The following OVCH2 variants were observed in gnomAD, a reference collection of about 807,000 sequenced individuals.
OVCH2 encodes ovochymase 2.
A neutral mutation model predicts 73.7 loss-of-function variants in OVCH2; 88 were observed. That is an observed-to-expected ratio of 1.19 (90% CI 1.01 to 1.43). The LOEUF is 1.43. Among genes scored for constraint, OVCH2 ranks in the 40% most tolerant of loss-of-function variants. The pLI, the probability that OVCH2 is intolerant of heterozygous loss-of-function variation, is 0.00. For synonymous variants in OVCH2, 265 were observed against 234.5 expected (o/e 1.13, Z -1.19); for missense variants, 706 against 674.5 (o/e 1.05, Z -0.52).
At chr11:7,688,477 A>C (rs1856166964), downstream of OVCH2, among the ~76,000 whole-genome samples, 1 of 152,094 alleles carries the variant, frequency 6.6e-6, no homozygotes, top group Non-Finnish European at 1.5e-5. Context: ...CACTTTACAA[A>C]AATTTTTCCA....
intron 3 of OVCH2, 62 bp from the exon 4 acceptor site, chr11:7,702,391 G>T: frequency 7.9e-7 from 1 of 1,269,812 alleles, no homozygotes; most frequent in Non-Finnish European, 1.1e-6. Flanking sequence ...AGTTGCAATG[G>T]TTGACACACT....
chr11:7,697,219 A>T (rs1355138517), intron 8 of OVCH2, among the ~76,000 whole-genome samples: 1 of 152,086 alleles, frequency 6.6e-6, no homozygotes, highest in African/African-American at 2.4e-5. Context: ...TGAAGAAATT[A>T]TTTGTGAGAC....
At chr11:7,681,853 CAAAAAAAAAAAA>C in the OVCH2 span, among the ~76,000 whole-genome samples, 1 of 93,008 alleles carries the variant, frequency 1.1e-5, no homozygotes, top group Non-Finnish European at 2.3e-5. Flanking sequence ...GGGAAATGTC[CAAAAAAAAAAAA>C]AAAAAAAGAA....
At chr11:7,691,121 C>G in intron 14 of OVCH2, 148 bp downstream of exon 14, 3 of 1,015,744 alleles carry the variant, frequency 3.0e-6, no homozygotes, top group Non-Finnish European at 4.3e-6. Flanking sequence ...TGAGTATTCT[C>G]TTATTCAGTG....
chr11:7,706,129 C>T (rs915407754), intron 1 of OVCH2, 178 bp downstream of exon 1: 36 of 589,306 alleles, frequency 6.1e-5, no homozygotes, highest in Middle Eastern at 6.8e-4. Context: ...ATGTTTCACC[C>T]TGTGTCCTAT....
chr11:7,687,018 T>G (rs1248793392), downstream of OVCH2, among the ~76,000 whole-genome samples: 1 of 152,118 alleles, frequency 6.6e-6, no homozygotes, highest in African/African-American at 2.4e-5. Flanking sequence ...CCTGGCATGC[T>G]TCTGATGCAA....
chr11:7,698,917 G>A (rs1224434185), intron 7 of OVCH2, 144 bp from the exon 8 acceptor site: 3 of 747,388 alleles, frequency 4.0e-6, no homozygotes, highest in East Asian at 2.9e-5. Flanking sequence ...GAAGGGAAGG[G>A]ATAAATGGAT....
intron 10 of OVCH2, among the ~76,000 whole-genome samples, chr11:7,695,986 T>A (rs1856325090): frequency 6.6e-6 from 1 of 152,204 alleles, no homozygotes; most frequent in South Asian, 2.1e-4. Context: ...GCCAAATGTG[T>A]CCTGAGGGTT....
At position 7,691,244 on chromosome 11, in the gene OVCH2, AGAGTT is replaced by A. The variant is rs375327565; in HGVS notation, c.1639+20_1639+24del. On this transcript the variant is annotated intron_variant, in intron 14 of 15. Coordinates refer to ENST00000533663, the MANE Select transcript of OVCH2 (RefSeq NM_198185.7). ...CACAAGGATTAGAACTGGGAACCAA[AGAGTT>A]GGTAACTCTATCTTCTTACCTGCTT... 1,982 of 1,583,442 alleles carry A rather than the reference AGAGTT, an allele frequency of 1.3e-3. 8 individuals are homozygous for A. The highest frequency in any genetic ancestry group is 8.0e-3 in the South Asian group (700 of 87,044).
At position 7,698,388 on chromosome 11, in the gene OVCH2, C is replaced by T. The variant is rs538121548; in HGVS notation, c.925+362G>A. 5.3e-5 allele frequency among the ~76,000 whole-genome samples: 8 copies of T among 152,286 alleles called. No homozygotes were observed. In the South Asian group the frequency reaches 6.2e-4, roughly 12 times the overall value. On this transcript the variant is annotated intron_variant, in intron 8 of 15. Coordinates refer to ENST00000533663, the MANE Select transcript of OVCH2 (RefSeq NM_198185.7). The stretch of plus-strand genomic sequence containing the variant: ...GCCCAAAGTCACAGAGTGAATTCAT[C>T]GCAGGATCGCAATGGAACAAAGGGG...
At chr11:7,680,556 G>A in the OVCH2 span, among the ~76,000 whole-genome samples, 1,116 of 152,232 alleles carry the variant, frequency 7.3e-3, 13 homozygotes, top group African/African-American at 0.021. Flanking sequence ...CAGAAGCAGC[G>A]ACTGATTGGC....
intron 8 of OVCH2, 86 bp downstream of exon 8, chr11:7,698,664 G>T: frequency 7.0e-7 from 1 of 1,435,638 alleles, no homozygotes; most frequent in South Asian, 1.2e-5. Flanking sequence ...GAGCGCTCTT[G>T]GAGAGGAAGA....
In OVCH2 at chr11:7,704,584, T is replaced by C. The variant is rs569207245; in HGVS notation, c.179A>G (p.Lys60Arg). Residue 60 changes from lysine to arginine, a missense_variant, in exon 2 of 16, where the codon AAG becomes AGG. Coordinates refer to ENST00000533663, the MANE Select transcript of OVCH2 (RefSeq NM_198185.7). Reference sequence around the variant, plus strand: ...ACTCACCTGCCAGGGATAGGAACCCTTCTCCACTTGGCTTCCTCCAAGAAT... The same window carrying C: ...ACTCACCTGCCAGGGATAGGAACCCCTCTCCACTTGGCTTCCTCCAAGAAT... ...SRILGGSQVE[K>R]GSYPWQVSLK... 9.9e-6 allele frequency: 16 copies of C among 1,610,694 alleles called. No individual in the cohort carries two copies. The African/African-American group carries it at 1.2e-4, about 12-fold the overall frequency.
chr11:7,702,371 C>T, intron 3 of OVCH2, 42 bp from the exon 4 acceptor site: 1 of 1,470,900 alleles, frequency 6.8e-7, no homozygotes, highest in Non-Finnish European at 9.1e-7. Flanking sequence ...TTCATTGTGC[C>T]TCTGAGTACA....
At position 7,689,460 on chromosome 11, in the gene OVCH2, T is replaced by C. The variant is rs1856177356; in HGVS notation, c.*174A>G. 1 of 318,116 alleles carries C rather than the reference T, an allele frequency of 3.1e-6. No individual in the cohort carries two copies. Among genetic ancestry groups the C allele is most frequent in the South Asian group, 2.7e-5 (1 of 36,572 alleles). The allele number at this position is 318,116 out of a possible 1,614,324, so 19.7% of individuals were successfully genotyped here. A position where few individuals can be genotyped will look rare whatever the true frequency, so the allele number is the denominator to read the frequency against. On this transcript the variant is annotated 3_prime_UTR_variant, in exon 16 of 16. Coordinates refer to ENST00000533663, the MANE Select transcript of OVCH2 (RefSeq NM_198185.7). ...GGTGGCTTAGAACAACAGAAATTTA[T>C]TGTCTCATAGTTCTGGAGGCTAGAA...
intron 7 of OVCH2, chr11:7,699,082 TAA>T (rs1226146708): frequency 3.8e-6 from 1 of 260,536 alleles, no homozygotes; most frequent in Non-Finnish European, 7.3e-6. Context: ...TCCATAACTA[TAA>T]AAGAGTTGCT....
intron 7 of OVCH2, 82 bp downstream of exon 7, chr11:7,700,214 C>T: frequency 1.4e-6 from 2 of 1,395,824 alleles, no homozygotes; most frequent in Non-Finnish European, 2.0e-6. Context: ...TTCAGGTGCT[C>T]TGATTTGCCA....
chr11:7,696,913 G>T, intron 8 of OVCH2, 114 bp from the exon 9 acceptor site: 1 of 936,308 alleles, frequency 1.1e-6, no homozygotes, highest in Non-Finnish European at 1.6e-6. Flanking sequence ...TGTACTCTTC[G>T]TTCTTCATGA....
At chr11:7,692,130 G>T in intron 12 of OVCH2, 135 bp from the exon 13 acceptor site, 1 of 637,472 alleles carries the variant, frequency 1.6e-6, no homozygotes, top group Non-Finnish European at 2.8e-6. Context: ...GGGTATTCAG[G>T]AGTGGGTCAG....
Sources: gnomAD v4.1 joint callset for allele counts (sites outside exome capture counted in the v4.1 genomes callset) on GRCh38, gnomAD v4.1.1 for gene constraint, MANE v1.5 for transcripts, NCBI Gene and HGNC (gene_info 2026-07-23, HGNC 2026-07-21) for gene names.